The following EDA variants were observed in gnomAD, a reference collection of about 807,000 sequenced individuals.
The protein encoded by EDA is ectodysplasin-A.
EDA carries 2 observed loss-of-function variants against 23.6 expected under a neutral mutation model. That is an observed-to-expected ratio of 0.08 (90% confidence interval 0.03 to 0.27). The LOEUF is 0.27. EDA is among the 10% of genes least tolerant of loss of function. EDA has a pLI of 1.00. For missense variants in EDA, 229 were observed against 324.2 expected (o/e 0.71, Z 2.26); for synonymous variants, 131 against 132.0 (o/e 0.99, Z 0.05).
intron 1 of EDA, among the ~76,000 whole-genome samples, chrX:69,772,642 C>T (rs1002169739): frequency 1.8e-5 from 2 of 110,776 alleles, no homozygotes; most frequent in African/African-American, 6.6e-5. Context: ...CTCCCTCCCT[C>T]CATTTGGTAG....
At position 70,038,356 on chromosome X, in the gene EDA, C is replaced by T. The variant is rs1276901754; in HGVS notation, c.*2747C>T. ...CTGGGGAGCCCTATTGCTGCTAAGT[C>T]ATTGGCAAAGTGACAAAGCAATTTA... is the stretch of plus-strand genomic sequence containing the variant. On this transcript the variant is annotated 3_prime_UTR_variant, in exon 8 of 8. Coordinates refer to ENST00000374552, the MANE Select transcript of EDA (RefSeq NM_001399.5). The T allele has an allele frequency of 9.0e-6, 1 of 111,067 alleles. No individual in the cohort carries two copies. Among genetic ancestry groups the T allele is most frequent in the African/African-American group, 3.3e-5 (1 of 30,501 alleles). The allele number at this position is 111,067 out of a possible 1,213,427, so 9.2% of individuals were successfully genotyped here.
chrX:69,783,179 G>T (rs937907938), intron 1 of EDA, among the ~76,000 whole-genome samples: 1 of 111,782 alleles, frequency 8.9e-6, no homozygotes, highest in Non-Finnish European at 1.9e-5. Context: ...AATCAAAGCA[G>T]TGAAATAGTT....
At chrX:69,935,604 T>G (rs1409142380) in intron 1 of EDA, among the ~76,000 whole-genome samples, 1 of 111,704 alleles carries the variant, frequency 9.0e-6, no homozygotes, top group African/African-American at 3.2e-5. Flanking sequence ...GAGTAAAGAA[T>G]GTACAAGGGA....
intron 1 of EDA, among the ~76,000 whole-genome samples, chrX:69,671,009 C>T (rs1387545202): frequency 7.2e-5 from 8 of 111,241 alleles, no homozygotes; most frequent in Non-Finnish European, 1.3e-4. Flanking sequence ...TGTGTCCCTG[C>T]GTTGATGGCT....
At chrX:70,020,980 G>A (rs999148471) in intron 2 of EDA, among the ~76,000 whole-genome samples, 1 of 112,030 alleles carries the variant, frequency 8.9e-6, no homozygotes, top group Non-Finnish European at 1.9e-5. Flanking sequence ...GTATGCATGC[G>A]TTTATGTATG....
At chrX:69,989,887 C>T (rs1023265004) in intron 2 of EDA, among the ~76,000 whole-genome samples, 29 of 101,229 alleles carry the variant, frequency 2.9e-4, no homozygotes, top group African/African-American at 8.4e-4. Context: ...ATCTAGTATT[C>T]GTATCATCAG....
intron 1 of EDA, among the ~76,000 whole-genome samples, chrX:69,884,378 A>G (rs2017795837): frequency 8.9e-6 from 1 of 112,312 alleles, no homozygotes; most frequent in South Asian, 3.7e-4. Context: ...GGTGATGAAA[A>G]TGTCATAAAA....
intron 1 of EDA, among the ~76,000 whole-genome samples, chrX:69,688,615 G>A (rs1411283750): frequency 1.8e-5 from 2 of 111,008 alleles, no homozygotes; most frequent in African/African-American, 6.6e-5. Context: ...TGGCCAGGCT[G>A]GTCTCAAACT....
At chrX:69,976,638 T>C (rs1021175962) in intron 2 of EDA, among the ~76,000 whole-genome samples, 1 of 111,066 alleles carries the variant, frequency 9.0e-6, no homozygotes, top group Non-Finnish European at 1.9e-5. Flanking sequence ...TGATCATTTC[T>C]CTCAGTGGGT....
At chrX:69,660,043 T>C (rs1933436150) in intron 1 of EDA, among the ~76,000 whole-genome samples, 1 of 111,918 alleles carries the variant, frequency 8.9e-6, no homozygotes. Flanking sequence ...CCACCGACCA[T>C]AACATTTGTG....
intron 1 of EDA, among the ~76,000 whole-genome samples, chrX:69,804,551 G>C (rs1170043007): frequency 2.7e-5 from 3 of 110,573 alleles, no homozygotes; most frequent in African/African-American, 9.8e-5. Flanking sequence ...TATATTGGTA[G>C]TGTTAGGTTA....
At chrX:69,701,652 G>T (rs1175193527) in intron 1 of EDA, among the ~76,000 whole-genome samples, 1 of 111,746 alleles carries the variant, frequency 8.9e-6, no homozygotes, top group Non-Finnish European at 1.9e-5. Context: ...ATGAACTGAA[G>T]GTCCCTTCTG....
intron 2 of EDA, among the ~76,000 whole-genome samples, chrX:70,021,967 A>G (rs184281107): frequency 1.3e-3 from 148 of 112,301 alleles, no homozygotes; most frequent in African/African-American, 4.5e-3. Context: ...TTTATAAACT[A>G]TAATATTGAA....
chrX:69,884,103 A>T (rs1380135246), intron 1 of EDA, among the ~76,000 whole-genome samples: 3 of 111,706 alleles, frequency 2.7e-5, no homozygotes, highest in Non-Finnish European at 5.6e-5. Context: ...ACTGAAAGTG[A>T]CTGAGTGCAA....
intron 1 of EDA, among the ~76,000 whole-genome samples, chrX:69,676,799 T>A (rs1934104259): frequency 9.0e-6 from 1 of 111,342 alleles, no homozygotes; most frequent in African/African-American, 3.3e-5. Context: ...GAGCCCAACC[T>A]ATTTATTTGG....
rs940316322 is a variant in EDA, at chrX:69,898,900, A to G, written c.397-58127A>G. Among the ~76,000 whole-genome samples the G allele has an allele frequency of 3.6e-5, 4 of 112,016 alleles. No homozygotes were observed. In the Admixed American group the frequency reaches 3.8e-4, roughly 11 times the overall value. On this transcript the variant is annotated intron_variant, in intron 1 of 7. Coordinates refer to ENST00000374552, the MANE Select transcript of EDA (RefSeq NM_001399.5). ...TATGTTGTCTGATGTGCCTACAGCC[A>G]GGCTCTGATGGAGACAGAGTTCTCT...
intron 6 of EDA, among the ~76,000 whole-genome samples, chrX:70,031,546 G>A (rs1413549097): frequency 9.0e-6 from 1 of 111,708 alleles, no homozygotes; most frequent in African/African-American, 3.3e-5. Context: ...GAGGGGTTGT[G>A]AGTACAGAAA....
chrX:69,910,989 T>C (rs762367339), intron 1 of EDA, among the ~76,000 whole-genome samples: 1 of 112,173 alleles, frequency 8.9e-6, no homozygotes, highest in African/African-American at 3.2e-5. Flanking sequence ...ACATATTGTA[T>C]ACTGGATACT....
At chrX:69,700,984 G>A (rs954379370) in intron 1 of EDA, among the ~76,000 whole-genome samples, 1 of 111,041 alleles carries the variant, frequency 9.0e-6, no homozygotes, top group African/African-American at 3.3e-5. Context: ...AAAGGTGTGC[G>A]GGGAGCAGAA....
Sources: gnomAD v4.1 joint callset for allele counts (sites outside exome capture counted in the v4.1 genomes callset) on GRCh38, gnomAD v4.1.1 for gene constraint, MANE v1.5 for transcripts, NCBI Gene and HGNC (gene_info 2026-07-23, HGNC 2026-07-21) for gene names.